Variants in FAM118A observed in about 807,000 individuals in gnomAD.
FAM118A encodes protein FAM118A.
Under a neutral mutation model 38.2 loss-of-function variants are expected in FAM118A, and 25 were observed. The observed-to-expected ratio is 0.65, with a 90% CI of 0.48 to 0.91. The LOEUF (loss-of-function observed/expected upper bound fraction) is 0.91, where lower values mean the gene tolerates loss of function less well. FAM118A is among the 40% of genes least tolerant of loss of function. The probability of loss-of-function intolerance (pLI) is 0.00; values close to 1 mark genes in which losing one functional copy is unlikely to be tolerated. For missense variants in FAM118A, 425 were observed against 463.3 expected (o/e 0.92, Z 0.76); for synonymous variants, 178 against 184.1 (o/e 0.97, Z 0.27).
chr22:45,325,481 A>G (rs972524698), intron 3 of FAM118A, among the ~76,000 whole-genome samples: 1 of 152,168 alleles, frequency 6.6e-6, no homozygotes, highest in Non-Finnish European at 1.5e-5. Flanking sequence ...AGAAGGCAGG[A>G]CAGGACAGCA....
At chr22:45,327,318 C>T (rs912223601) in intron 3 of FAM118A, among the ~76,000 whole-genome samples, 3 of 152,044 alleles carry the variant, frequency 2.0e-5, no homozygotes, top group Non-Finnish European at 2.9e-5. Context: ...TCATTACCAC[C>T]GAGAAAGAGA....
In FAM118A at chr22:45,330,690, C is replaced by T. The variant is rs1345109460; in HGVS notation, c.610C>T (p.Pro204Ser). 1.9e-6 allele frequency: 3 copies of T among 1,593,736 alleles called. No individual in the cohort carries two copies. Among genetic ancestry groups the T allele is most frequent in the Non-Finnish European group, 1.7e-6 (2 of 1,172,514 alleles). The change falls in exon 5 of 9, where the codon CCA (proline) becomes TCA (serine). Residue 204 changes from proline (P) to serine (S), a missense_variant. Coordinates refer to ENST00000441876, the MANE Select transcript of FAM118A (RefSeq NM_017911.4). ...GGACCCCTGCGGGGTGGTGCTGGACCCATCGGGGTATAAAGACGTCACTCA... is the reference window on the plus strand; with the variant it reads ...GGACCCCTGCGGGGTGGTGCTGGACTCATCGGGGTATAAAGACGTCACTCA... Reference protein sequence around the residue: ...YTDPCGVVLDPSGYKDVTQDA... With the variant: ...YTDPCGVVLDSSGYKDVTQDA...
At chr22:45,315,936 A>T (rs993265951) in intron 1 of FAM118A, among the ~76,000 whole-genome samples, 4 of 152,232 alleles carry the variant, frequency 2.6e-5, no homozygotes, top group African/African-American at 9.7e-5. Flanking sequence ...AGGTGACCCT[A>T]GTCATGCTAA....
At chr22:45,310,546 C>A (rs972263031) in intron 1 of FAM118A, among the ~76,000 whole-genome samples, 2 of 152,132 alleles carry the variant, frequency 1.3e-5, no homozygotes, top group Non-Finnish European at 2.9e-5. Context: ...GTGTCCTTAG[C>A]CCCGCGAGAC....
rs1204393073 is a variant in FAM118A at position 45,341,593 on chromosome 22, AC to A, written c.*1191del. On this transcript the variant is annotated 3_prime_UTR_variant, in exon 9 of 9. Coordinates refer to ENST00000441876, the MANE Select transcript of FAM118A (RefSeq NM_017911.4). ...CAACACTTTAAACCTTCTCAGGTTC[AC>A]CCACATGAAACGGCTGTGCTGAGTG... 1.3e-5 allele frequency: 2 copies of A among 152,234 alleles called. No homozygotes were observed. The highest frequency in any genetic ancestry group is 2.9e-5 in the Non-Finnish European group (2 of 68,064). The allele number at this position is 152,234 out of a possible 1,614,324, so 9.4% of individuals were successfully genotyped here.
In FAM118A at chr22:45,340,498, C is replaced by A; in HGVS notation, c.*93C>A. On this transcript the variant is annotated 3_prime_UTR_variant, in exon 9 of 9. Coordinates refer to ENST00000441876, the MANE Select transcript of FAM118A (RefSeq NM_017911.4). The stretch of plus-strand genomic sequence containing the variant: ...AATGTATGGAGAACTCCACGTGGAT[C>A]TCTGATTGCGAAACCGTCACATACA... 1 of 1,456,938 alleles carries A rather than the reference C, an allele frequency of 6.9e-7. No homozygotes were observed. Among genetic ancestry groups the A allele is most frequent in the South Asian group, 1.1e-5 (1 of 87,728 alleles). 90.3% of individuals were successfully genotyped at this position (1,456,938 alleles called of 1,614,324 possible).
At chr22:45,324,058 G>A (rs1251461199) in intron 3 of FAM118A, among the ~76,000 whole-genome samples, 2 of 152,214 alleles carry the variant, frequency 1.3e-5, no homozygotes, top group Non-Finnish European at 2.9e-5. Flanking sequence ...GTCTTCTTCT[G>A]CTCTTGTATT....
chr22:45,337,927 A>G (rs1025468421), intron 8 of FAM118A: 1 of 983,494 alleles, frequency 1.0e-6, no homozygotes, highest in African/African-American at 1.7e-5. Flanking sequence ...CAGGTTTCCT[A>G]TGAAGAGGGT....
intron 3 of FAM118A, among the ~76,000 whole-genome samples, chr22:45,327,058 A>G (rs1023080216): frequency 1.4e-4 from 21 of 150,636 alleles, no homozygotes; most frequent in Admixed American, 1.4e-3. Context: ...AATAATATAA[A>G]AAATTAAATT....
chr22:45,318,305 GAA>G (rs1196995064), intron 1 of FAM118A: 1 of 151,968 alleles, frequency 6.6e-6, no homozygotes, highest in Non-Finnish European at 1.5e-5. Flanking sequence ...ATAGGTCCTT[GAA>G]AAAAAAGAAG....
chr22:45,316,987 C>G (rs1454152805), intron 1 of FAM118A, among the ~76,000 whole-genome samples: 2 of 152,172 alleles, frequency 1.3e-5, no homozygotes, highest in African/African-American at 4.8e-5. Context: ...TACTCTGAGT[C>G]CCTCTTGCTT....
chr22:45,330,161 C>A (rs1237020931), intron 4 of FAM118A, among the ~76,000 whole-genome samples: 1 of 152,194 alleles, frequency 6.6e-6, no homozygotes, highest in African/African-American at 2.4e-5. Flanking sequence ...GCTGTAACCT[C>A]AAGTGTTAAA....
rs558155347 is a variant in FAM118A at position 45,327,635 on chromosome 22, C to T, written c.301-207C>T. Among the ~76,000 whole-genome samples, 193 of 152,322 alleles carry T rather than the reference C, an allele frequency of 1.3e-3. 2 individuals are homozygous for T. The highest frequency in any genetic ancestry group is 4.5e-3 in the African/African-American group (186 of 41,568). On this transcript the variant is annotated intron_variant, in intron 3 of 8. Coordinates refer to ENST00000441876, the MANE Select transcript of FAM118A (RefSeq NM_017911.4). ...TGACAGCGCCTGCCCCCGTCTCTGC[C>T]GTGCTTTCCTGTGGCAGCGTCACCG...
intron 5 of FAM118A, among the ~76,000 whole-genome samples, chr22:45,331,298 T>C (rs1019365652): frequency 1.3e-5 from 2 of 152,214 alleles, no homozygotes; most frequent in African/African-American, 4.8e-5. Flanking sequence ...CACTCCAGCC[T>C]GGGCAACAGA....
chr22:45,340,428 A>G lies in FAM118A; in HGVS notation c.*23A>G, dbSNP rs748558827. On this transcript the variant is annotated 3_prime_UTR_variant, in exon 9 of 9. Coordinates refer to ENST00000441876, the MANE Select transcript of FAM118A (RefSeq NM_017911.4). ...TGAAATCTTTACAGTAAAACCTGCA[A>G]CTTGAAAACTAGCCTTCTGTAACCA... The G allele has an allele frequency of 7.4e-6, 12 of 1,614,002 alleles. No homozygotes were observed. The South Asian group carries it at 8.8e-5, about 12-fold the overall frequency.
intron 1 of FAM118A, among the ~76,000 whole-genome samples, chr22:45,311,496 G>A (rs1274896937): frequency 1.3e-5 from 2 of 152,222 alleles, no homozygotes; most frequent in Non-Finnish European, 2.9e-5. Flanking sequence ...CTAGAGACCT[G>A]GTATGGGAGA....
chr22:45,329,671 G>C (rs764182313), intron 4 of FAM118A: 1 of 152,554 alleles, frequency 6.6e-6, no homozygotes, highest in Non-Finnish European at 1.5e-5. Context: ...GGCCGCCTGA[G>C]GGGAGCGGGC....
chr22:45,330,206 G>A (rs1569146117), intron 4 of FAM118A, among the ~76,000 whole-genome samples: 1 of 152,184 alleles, frequency 6.6e-6, no homozygotes, highest in Non-Finnish European at 1.5e-5. Flanking sequence ...CTTTAAATAA[G>A]TCCTTTTTTT....
chr22:45,335,247 C>G, intron 6 of FAM118A, 103 bp from the exon 7 acceptor site: 1 of 1,366,832 alleles, frequency 7.3e-7, no homozygotes, highest in Non-Finnish European at 1.0e-6. Context: ...TGCCCAGAAG[C>G]CTGTTCCCAG....
Sources: allele counts gnomAD v4.1 joint callset (sites outside exome capture counted in the v4.1 genomes callset), GRCh38; gene constraint gnomAD v4.1.1; transcripts MANE v1.5; gene names NCBI Gene and HGNC (gene_info 2026-07-23, HGNC 2026-07-21).